Variants in DNAAF6 observed in about 807,000 individuals in gnomAD.
DNAAF6 encodes dynein axonemal assembly factor 6.
In DNAAF6, 3 loss-of-function variants were observed where a neutral mutation model predicts 13.7. The ratio of observed to expected loss-of-function variants is 0.22; its 90% CI spans 0.10 to 0.56. DNAAF6 has a LOEUF of 0.56. Among genes scored for constraint, DNAAF6 ranks in the 20% least tolerant of loss-of-function variants. The probability of loss-of-function intolerance (pLI) is 0.92; values close to 1 mark genes in which losing one functional copy is unlikely to be tolerated. For synonymous variants in DNAAF6, 54 were observed against 49.2 expected (o/e 1.10, Z -0.41); for missense variants, 130 against 151.0 (o/e 0.86, Z 0.73).
At chrX:107,221,421 A>G (rs1928138064) in intron 4 of DNAAF6, among the ~76,000 whole-genome samples, 1 of 110,360 alleles carries the variant, frequency 9.1e-6, no homozygotes, top group African/African-American at 3.3e-5. Flanking sequence ...TTTTGTGAAG[A>G]CTGCGTCTAA....
chrX:107,212,929 T>C lies in DNAAF6; in HGVS notation c.54T>C (p.Ser18=). The change falls in exon 2 of 7, where the codon TCT becomes TCC. Residue 18 remains serine, a synonymous_variant. Coordinates refer to ENST00000372453, the MANE Select transcript of DNAAF6 (RefSeq NM_173494.2). ...SENMKTENME[S]QNVDFESVSS... Reference sequence around the variant, plus strand: ...ATATGAAGACAGAAAATATGGAATCTCAAAATGTAGACTTTGAGAGTGTTT... The same window carrying C: ...ATATGAAGACAGAAAATATGGAATCCCAAAATGTAGACTTTGAGAGTGTTT... The C allele has an allele frequency of 8.3e-7, 1 of 1,205,007 alleles. No individual in the cohort carries two copies. The highest frequency in any genetic ancestry group is 1.1e-6 in the Non-Finnish European group (1 of 892,693).
At chrX:107,238,660 T>A (rs1314984806) in intron 5 of DNAAF6, among the ~76,000 whole-genome samples, 1 of 111,939 alleles carries the variant, frequency 8.9e-6, no homozygotes, top group African/African-American at 3.2e-5. Context: ...CCAAAGTGTT[T>A]CTGTATAGCT....
chrX:107,243,057 G>GA (rs1209682340), intron 6 of DNAAF6, 112 bp from the exon 7 acceptor site: 4 of 639,816 alleles, frequency 6.3e-6, no homozygotes, highest in African/African-American at 4.5e-5. Flanking sequence ...TCTAAATATT[G>GA]GGGGGGGGTT....
chrX:107,241,283 C>T (rs1928618780), intron 6 of DNAAF6, among the ~76,000 whole-genome samples: 1 of 111,525 alleles, frequency 9.0e-6, no homozygotes, highest in Non-Finnish European at 1.9e-5. Flanking sequence ...TTTGTATTTA[C>T]ATTCATGTAT....
At chrX:107,221,910 CATAATA>C (rs35475398) in intron 4 of DNAAF6, among the ~76,000 whole-genome samples, 4,987 of 98,326 alleles carry the variant, frequency 0.051, 235 homozygotes, top group African/African-American at 0.14. Flanking sequence ...TAGCATTAAG[CATAATA>C]ATAATAATAA....
intron 5 of DNAAF6, among the ~76,000 whole-genome samples, chrX:107,227,093 A>T (rs2147833267): frequency 8.9e-6 from 1 of 112,154 alleles, no homozygotes; most frequent in East Asian, 2.8e-4. Flanking sequence ...TAAAACAGTT[A>T]TATTTGTTTA....
At chrX:107,216,994 T>A (rs1419362543) in intron 3 of DNAAF6, among the ~76,000 whole-genome samples, 2 of 111,034 alleles carry the variant, frequency 1.8e-5, no homozygotes, top group Non-Finnish European at 3.8e-5. Flanking sequence ...TTTCAGAACA[T>A]CATATGGTAT....
At chrX:107,207,240 C>T (rs1027133541) in intron 1 of DNAAF6, 1 of 111,272 alleles carries the variant, frequency 9.0e-6, no homozygotes, top group Non-Finnish European at 1.9e-5. Flanking sequence ...CCAGTACTTA[C>T]TACGTGAATA....
intron 1 of DNAAF6, among the ~76,000 whole-genome samples, chrX:107,209,053 A>T (rs1927787228): frequency 8.9e-6 from 1 of 111,863 alleles, no homozygotes; most frequent in Admixed American, 9.6e-5. Flanking sequence ...AGTATTGTAA[A>T]GATAAATTCA....
chrX:107,214,984 A>C (rs1212480152), intron 2 of DNAAF6, among the ~76,000 whole-genome samples: 1 of 111,272 alleles, frequency 9.0e-6, no homozygotes, highest in Non-Finnish European at 1.9e-5. Flanking sequence ...GTGGGAAATA[A>C]GGTTCACTGC....
intron 5 of DNAAF6, among the ~76,000 whole-genome samples, chrX:107,231,970 A>G (rs1170050607): frequency 1.8e-5 from 2 of 110,688 alleles, no homozygotes; most frequent in Non-Finnish European, 3.8e-5. Context: ...CGATTCTCCC[A>G]CCTCAGCTTC....
intron 5 of DNAAF6, among the ~76,000 whole-genome samples, chrX:107,229,125 C>CTTTTTTT (rs1569375032): frequency 3.5e-5 from 2 of 57,799 alleles, no homozygotes; most frequent in African/African-American, 1.3e-4. Context: ...CTGTTGACTA[C>CTTTTTTT]TCTTTTTTTT....
chrX:107,206,921 T>G (rs1325145342), intron 1 of DNAAF6, among the ~76,000 whole-genome samples: 1 of 111,568 alleles, frequency 9.0e-6, no homozygotes, highest in Admixed American at 9.5e-5. Flanking sequence ...CAAAACTCGG[T>G]TTTACAGGAT....
chrX:107,207,453 A>G (rs3747402), intron 1 of DNAAF6: 40,335 of 110,411 alleles, frequency 0.37, 8,020 homozygotes, highest in African/African-American at 0.76. Context: ...GACTGTAACT[A>G]TCAAAAGGTG....
chrX:107,215,891 G>C (rs1234661995), intron 2 of DNAAF6, among the ~76,000 whole-genome samples: 1 of 111,581 alleles, frequency 9.0e-6, no homozygotes. Context: ...GGATTTTCTT[G>C]AAATATCAAA....
intron 5 of DNAAF6, among the ~76,000 whole-genome samples, chrX:107,226,038 G>A (rs1241209850): frequency 5.4e-5 from 6 of 111,833 alleles, no homozygotes. Context: ...AAGTACCACT[G>A]CCTTGTTTAA....
At position 107,219,037 on chromosome X, in the gene DNAAF6, C is replaced by T. The variant is rs1954365; in HGVS notation, c.332+68C>T. 0.22 allele frequency: 232,396 copies of T among 1,065,714 alleles called. 25,652 individuals are homozygous for T. Among genetic ancestry groups the T allele is most frequent in the African/African-American group, 0.77 (38,753 of 50,058 alleles). 87.8% of individuals were successfully genotyped at this position (1,065,714 alleles called of 1,213,427 possible). ...AGCTGTGTCATCTGATAACATTTTA[C>T]TTTTTACAAGATTCATAAAGTAACA... On this transcript the variant is annotated intron_variant, in intron 4 of 6. Coordinates refer to ENST00000372453, the MANE Select transcript of DNAAF6 (RefSeq NM_173494.2).
intron 4 of DNAAF6, among the ~76,000 whole-genome samples, chrX:107,221,149 GT>G (rs1928129688): frequency 9.1e-6 from 1 of 109,648 alleles, no homozygotes; most frequent in African/African-American, 3.3e-5. Flanking sequence ...TGTTTTTTGT[GT>G]TTTTTGTAGA....
At chrX:107,235,217 A>G (rs762693499) in intron 5 of DNAAF6, among the ~76,000 whole-genome samples, 1 of 111,506 alleles carries the variant, frequency 9.0e-6, no homozygotes, top group Admixed American at 9.6e-5. Context: ...CACAAACCTT[A>G]AATTATGGGC....
Sources: allele counts gnomAD v4.1 joint callset (sites outside exome capture counted in the v4.1 genomes callset), GRCh38; gene constraint gnomAD v4.1.1; transcripts MANE v1.5; gene names NCBI Gene and HGNC (gene_info 2026-07-23, HGNC 2026-07-21).